The following CLSTN2 variants were observed in gnomAD, a reference collection of about 807,000 sequenced individuals.
CLSTN2 encodes the protein calsyntenin 2, also known as calsyntenin-2.
A neutral mutation model predicts 101.2 loss-of-function variants in CLSTN2; 48 were observed. That is an observed-to-expected ratio of 0.47 (90% CI 0.38 to 0.60). The LOEUF (loss-of-function observed/expected upper bound fraction) is 0.60, where lower values mean the gene tolerates loss of function less well. Among genes scored for constraint, CLSTN2 ranks in the 20% least tolerant of loss-of-function variants. The probability of loss-of-function intolerance (pLI) is 0.00; values close to 1 mark genes in which losing one functional copy is unlikely to be tolerated. For synonymous variants in CLSTN2, 481 were observed against 463.6 expected (o/e 1.04, Z -0.48); for missense variants, 1,160 against 1,238.2 (o/e 0.94, Z 0.95).
intron 10 of CLSTN2, among the ~76,000 whole-genome samples, chr3:140,553,859 A>T (rs1383865848): frequency 5.3e-5 from 8 of 152,214 alleles, no homozygotes; most frequent in Admixed American, 3.9e-4. Flanking sequence ...AGGAAAGGAG[A>T]ACAGGGTTTG....
intron 2 of CLSTN2, among the ~76,000 whole-genome samples, chr3:140,379,272 A>G (rs2087953542): frequency 6.6e-6 from 1 of 152,152 alleles, no homozygotes; most frequent in Admixed American, 6.5e-5. Context: ...CAGCATGACC[A>G]AGAAAGGAGG....
At chr3:140,056,695 G>A (rs1195446447) in intron 1 of CLSTN2, among the ~76,000 whole-genome samples, 2 of 152,160 alleles carry the variant, frequency 1.3e-5, no homozygotes, top group African/African-American at 4.8e-5. Context: ...GTAATTGTGG[G>A]CACCTACAGT....
At chr3:140,443,500 T>C (rs538302587) in intron 5 of CLSTN2, among the ~76,000 whole-genome samples, 1 of 152,366 alleles carries the variant, frequency 6.6e-6, no homozygotes, top group South Asian at 2.1e-4. Context: ...TCTAAGTTCT[T>C]AATCCACAAA....
chr3:139,976,477 C>T (rs541775149), intron 1 of CLSTN2, among the ~76,000 whole-genome samples: 2 of 152,292 alleles, frequency 1.3e-5, no homozygotes, highest in African/African-American at 2.4e-5. Context: ...CCTCAGTGCA[C>T]GGATGAGGGA....
chr3:140,440,600 C>A (rs1451391536), intron 5 of CLSTN2, among the ~76,000 whole-genome samples: 1 of 152,098 alleles, frequency 6.6e-6, no homozygotes, highest in Non-Finnish European at 1.5e-5. Context: ...CTATAAACAA[C>A]TCTGAAATAG....
chr3:140,542,226 T>A (rs1166559956), intron 9 of CLSTN2, among the ~76,000 whole-genome samples: 3 of 152,230 alleles, frequency 2.0e-5, no homozygotes, highest in Non-Finnish European at 4.4e-5. Context: ...ACTGGCAATT[T>A]ACTCATATTT....
rs147659783 is a variant in CLSTN2 at position 140,342,137 on chromosome 3, T to C, written c.233-61492T>C. On this transcript the variant is annotated intron_variant, in intron 2 of 16. Transcript: ENST00000458420. ...AGATTCTTACCAAGTTGCCCAGCTA[T>C]GAGTAGTTACTATCTTCTAAAGCAG... Among the ~76,000 whole-genome samples the C allele has an allele frequency of 2.7e-3, 406 of 152,340 alleles. 2 individuals carry two copies. Among genetic ancestry groups the C allele is most frequent in the African/African-American group, 8.6e-3 (357 of 41,586 alleles).
intron 2 of CLSTN2, among the ~76,000 whole-genome samples, chr3:140,300,524 A>C (rs144786389): frequency 1.2e-3 from 184 of 152,274 alleles, no homozygotes; most frequent in African/African-American, 4.3e-3. Context: ...ATATTACTAG[A>C]TAGTTGGTGC....
rs569774722 is a variant in CLSTN2 at position 140,345,245 on chromosome 3, C to CT, written c.233-58377dup. On this transcript the variant is annotated intron_variant, in intron 2 of 16. Coordinates refer to ENST00000458420, the MANE Select transcript of CLSTN2 (RefSeq NM_022131.3). ...CAGGGTGGCATTGAGTGGATATAGCCTTTTTTTCTTTTTTTTTTTTGAGAC... is the reference window on the plus strand; with the variant it reads ...CAGGGTGGCATTGAGTGGATATAGCCTTTTTTTTCTTTTTTTTTTTTGAGAC... Among the ~76,000 whole-genome samples the CT allele has an allele frequency of 7.4e-3, 1,007 of 135,984 alleles. 37 individuals carry two copies. The highest frequency in any genetic ancestry group is 0.01 in the African/African-American group (378 of 37,502). 89.2% of individuals were successfully genotyped at this position (135,984 alleles called of 152,430 possible).
intron 1 of CLSTN2, among the ~76,000 whole-genome samples, chr3:140,146,739 G>A (rs763737566): frequency 1.4e-4 from 21 of 152,164 alleles, no homozygotes; most frequent in Non-Finnish European, 2.8e-4. Context: ...GACATTTCTG[G>A]TCATTTGGGA....
At chr3:140,263,303 G>C (rs77546656) in intron 2 of CLSTN2, among the ~76,000 whole-genome samples, 1 of 152,178 alleles carries the variant, frequency 6.6e-6, no homozygotes, top group East Asian at 1.9e-4. Flanking sequence ...GTGGAGATTA[G>C]TGAGGGTGAT....
chr3:140,543,293 G>A (rs751571703), intron 9 of CLSTN2, among the ~76,000 whole-genome samples: 28 of 152,118 alleles, frequency 1.8e-4, no homozygotes, highest in African/African-American at 6.3e-4. Flanking sequence ...TTGCTGGGAC[G>A]GGAACATGCT....
chr3:140,192,840 AT>A (rs976605003), intron 2 of CLSTN2, among the ~76,000 whole-genome samples: 2 of 151,566 alleles, frequency 1.3e-5, no homozygotes, highest in Non-Finnish European at 3.0e-5. Flanking sequence ...GTGTTGTTCT[AT>A]TTTTTGGCGG....
At chr3:140,072,250 A>G (rs1442512813) in intron 1 of CLSTN2, among the ~76,000 whole-genome samples, 1 of 152,208 alleles carries the variant, frequency 6.6e-6, no homozygotes, top group African/African-American at 2.4e-5. Context: ...CATTATGTCA[A>G]TGTTGCTGAA....
intron 2 of CLSTN2, among the ~76,000 whole-genome samples, chr3:140,226,604 T>C (rs1330679133): frequency 6.6e-6 from 1 of 152,166 alleles, no homozygotes; most frequent in Non-Finnish European, 1.5e-5. Context: ...AAAAAAGATG[T>C]TAGAAATGTG....
intron 8 of CLSTN2, among the ~76,000 whole-genome samples, chr3:140,477,119 C>T (rs73867184): frequency 0.024 from 3,612 of 152,218 alleles, 163 homozygotes; most frequent in African/African-American, 0.082. Flanking sequence ...GGCCCAGCAG[C>T]GAGATTAATT....
intron 2 of CLSTN2, among the ~76,000 whole-genome samples, chr3:140,294,401 C>CT (rs1553729018): frequency 6.6e-6 from 1 of 152,140 alleles, no homozygotes. Context: ...TGCTCCAAGT[C>CT]TTTTTTACTG....
At position 140,455,474 on chromosome 3, in the gene CLSTN2, T is replaced by C. The variant is rs193100097; in HGVS notation, c.974-4047T>C. Among the ~76,000 whole-genome samples the C allele has an allele frequency of 1.9e-3, 295 of 152,356 alleles. 6 individuals carry two copies. Among genetic ancestry groups the C allele is most frequent in the Non-Finnish European group, 5.6e-4 (38 of 68,036 alleles). Reference sequence around the variant, plus strand: ...TGTGCCCTGAAATCTGCCTCATTCATTGTGTCTGTATCTATTTTCTGGCTC... The same window carrying C: ...TGTGCCCTGAAATCTGCCTCATTCACTGTGTCTGTATCTATTTTCTGGCTC... On this transcript the variant is annotated intron_variant, in intron 6 of 16. Coordinates refer to ENST00000458420, the MANE Select transcript of CLSTN2 (RefSeq NM_022131.3).
At chr3:140,202,648 A>G (rs143239019) in intron 2 of CLSTN2, among the ~76,000 whole-genome samples, 300 of 152,312 alleles carry the variant, frequency 2.0e-3, no homozygotes, top group African/African-American at 7.0e-3. Context: ...ATTTAGGACA[A>G]TTGGTAAACA....
Sources: allele counts gnomAD v4.1 joint callset (sites outside exome capture counted in the v4.1 genomes callset), GRCh38; gene constraint gnomAD v4.1.1; transcripts MANE v1.5; gene names NCBI Gene and HGNC (gene_info 2026-07-23, HGNC 2026-07-21).